Variants in LHFPL2 observed in about 807,000 individuals in gnomAD.
LHFPL2 encodes the protein LHFPL tetraspan subfamily member 2 protein.
In LHFPL2, 7 loss-of-function variants were observed where a neutral mutation model predicts 17.5. The ratio of observed to expected loss-of-function variants is 0.40; its 90% CI spans 0.23 to 0.75. The LOEUF is 0.75. Among genes scored for constraint, LHFPL2 ranks in the 30% least tolerant of loss-of-function variants. The pLI is 0.37. For missense variants in LHFPL2, 241 were observed against 294.8 expected (o/e 0.82, Z 1.34); for synonymous variants, 134 against 116.2 (o/e 1.15, Z -0.99).
At chr5:78,636,204 T>C (rs539866557) in intron 1 of LHFPL2, among the ~76,000 whole-genome samples, 16 of 152,362 alleles carry the variant, frequency 1.1e-4, no homozygotes, top group South Asian at 8.3e-4. Flanking sequence ...CACTCTTGCA[T>C]ACTCTGATCC....
chr5:78,567,512 T>C (rs1467376850), intron 2 of LHFPL2, among the ~76,000 whole-genome samples: 1 of 152,176 alleles, frequency 6.6e-6, no homozygotes, highest in Non-Finnish European at 1.5e-5. Flanking sequence ...ATTTCTAGTT[T>C]TCATCTTGGC....
At chr5:78,645,937 T>C (rs769752528) in intron 1 of LHFPL2, among the ~76,000 whole-genome samples, 1 of 152,230 alleles carries the variant, frequency 6.6e-6, no homozygotes, top group Non-Finnish European at 1.5e-5. Context: ...AGCTATTTGC[T>C]TCTTGTTTGT....
intron 4 of LHFPL2, among the ~76,000 whole-genome samples, chr5:78,496,861 C>G (rs1198361434): frequency 6.6e-6 from 1 of 152,166 alleles, no homozygotes; most frequent in Non-Finnish European, 1.5e-5. Context: ...ACAAGGGTGC[C>G]CAGGGCTCAC....
At chr5:78,590,788 C>T (rs1253955187) in intron 2 of LHFPL2, among the ~76,000 whole-genome samples, 2 of 152,106 alleles carry the variant, frequency 1.3e-5, no homozygotes, top group African/African-American at 4.8e-5. Flanking sequence ...TGTAGAACAG[C>T]GTAAAGTCAT....
chr5:78,583,032 A>T (rs907353873), intron 2 of LHFPL2, among the ~76,000 whole-genome samples: 33 of 152,184 alleles, frequency 2.2e-4, no homozygotes, highest in African/African-American at 7.2e-4. Context: ...TCCCTTTAGC[A>T]TTATGTAATG....
chr5:78,517,541 G>A (rs1383620249), intron 3 of LHFPL2, among the ~76,000 whole-genome samples: 3 of 152,204 alleles, frequency 2.0e-5, no homozygotes, highest in Non-Finnish European at 4.4e-5. Context: ...CATGGCTGGG[G>A]AGACCTCACA....
At chr5:78,501,965 A>G (rs1266705626) in intron 4 of LHFPL2, among the ~76,000 whole-genome samples, 1 of 152,154 alleles carries the variant, frequency 6.6e-6, no homozygotes, top group African/African-American at 2.4e-5. Context: ...AGCAAGAGAA[A>G]AAGGGAAGGA....
chr5:78,609,450 CAAAAAAAAAAAAAA>C (rs71613975), intron 2 of LHFPL2, among the ~76,000 whole-genome samples: 5 of 40,684 alleles, frequency 1.2e-4, no homozygotes, highest in Admixed American at 7.5e-4. Context: ...GACTCAGTCT[CAAAAAAAAAAAAAA>C]AAAAAAAAAA....
chr5:78,486,023 ACAAAACAT>A lies in LHFPL2; in HGVS notation c.*2866_*2873del, dbSNP rs2112275489. 1 of 152,764 alleles carries A rather than the reference ACAAAACAT, an allele frequency of 6.5e-6. No homozygotes were observed. The highest frequency in any genetic ancestry group is 1.9e-4 in the East Asian group (1 of 5,186). 9.5% of individuals were successfully genotyped at this position (152,764 alleles called of 1,614,324 possible). On this transcript the variant is annotated 3_prime_UTR_variant, in exon 5 of 5. Coordinates refer to ENST00000380345, the MANE Select transcript of LHFPL2 (RefSeq NM_005779.3). ...CCTGTCCAGTTTCCAAAACAAAACAACAAAACATACATACACCTTTGTTATTGCACATC... is the reference window on the plus strand; with the variant it reads ...CCTGTCCAGTTTCCAAAACAAAACAAACATACACCTTTGTTATTGCACATC...
intron 4 of LHFPL2, among the ~76,000 whole-genome samples, chr5:78,502,349 A>G (rs1754799941): frequency 6.6e-6 from 1 of 152,232 alleles, no homozygotes; most frequent in Non-Finnish European, 1.5e-5. Context: ...CCTCTTTCTC[A>G]GCAGTAATTC....
At chr5:78,522,281 A>C (rs762495891) in intron 3 of LHFPL2, among the ~76,000 whole-genome samples, 47 of 152,148 alleles carry the variant, frequency 3.1e-4, no homozygotes, top group Admixed American at 7.2e-4. Flanking sequence ...ACTAAAAAAA[A>C]CAAAAATTTA....
intron 3 of LHFPL2, among the ~76,000 whole-genome samples, chr5:78,554,773 A>C (rs532300456): frequency 6.6e-6 from 1 of 152,206 alleles, no homozygotes; most frequent in African/African-American, 2.4e-5. Flanking sequence ...GCTGTCTCAG[A>C]TCTTGGGGAA....
chr5:78,643,931 G>A lies in LHFPL2; in HGVS notation c.-350+4568C>T, dbSNP rs536102729. Among the ~76,000 whole-genome samples the A allele has an allele frequency of 2.2e-3, 334 of 152,190 alleles. 3 individuals are homozygous for A. The highest frequency in any genetic ancestry group is 4.0e-3 in the South Asian group (19 of 4,806). ...CAAAAAATTAGCCAGGTGTGGTGGC[G>A]TGCACCTGTAGTCCCAGCTACTCAG... On this transcript the variant is annotated intron_variant, in intron 1 of 4. Transcript: ENST00000380345.
chr5:78,596,733 C>T (rs1301528294), intron 2 of LHFPL2, among the ~76,000 whole-genome samples: 1 of 152,150 alleles, frequency 6.6e-6, no homozygotes, highest in African/African-American at 2.4e-5. Context: ...AGCAATCTAC[C>T]AAGGAAATGC....
At chr5:78,581,538 C>T (rs150999903) in intron 2 of LHFPL2, among the ~76,000 whole-genome samples, 60,668 of 151,786 alleles carry the variant, frequency 0.4, 12,406 homozygotes, top group Middle Eastern at 0.47. Flanking sequence ...TCTGCATCTA[C>T]TGAGATAATC....
intron 1 of LHFPL2, among the ~76,000 whole-genome samples, chr5:78,633,395 G>A (rs1745320858): frequency 6.6e-6 from 1 of 152,224 alleles, no homozygotes; most frequent in Non-Finnish European, 1.5e-5. Context: ...CCAAATGCCT[G>A]GGTGGCACCG....
chr5:78,563,644 T>G (rs1756788040), intron 3 of LHFPL2, among the ~76,000 whole-genome samples: 1 of 148,250 alleles, frequency 6.7e-6, no homozygotes, highest in Non-Finnish European at 1.5e-5. Context: ...GAGGTTACAG[T>G]GAGCTGAGAT....
chr5:78,574,877 G>A (rs12697889), intron 2 of LHFPL2, among the ~76,000 whole-genome samples: 56,137 of 152,108 alleles, frequency 0.37, 11,281 homozygotes, highest in Middle Eastern at 0.47. Flanking sequence ...TGTTCTTGCT[G>A]AGCGTCACCA....
intron 3 of LHFPL2, among the ~76,000 whole-genome samples, chr5:78,550,002 G>A (rs1756394498): frequency 6.6e-6 from 1 of 152,188 alleles, no homozygotes; most frequent in Non-Finnish European, 1.5e-5. Flanking sequence ...CAGTATTTCT[G>A]AGCATTGACA....
Sources: allele counts gnomAD v4.1 joint callset (sites outside exome capture counted in the v4.1 genomes callset), GRCh38; gene constraint gnomAD v4.1.1; transcripts MANE v1.5; gene names NCBI Gene and HGNC (gene_info 2026-07-23, HGNC 2026-07-21).